Variants in ABCA13 observed in about 807,000 individuals in gnomAD.
ABCA13 encodes the protein ATP-binding cassette sub-family A member 13.
ABCA13 carries 476 observed loss-of-function variants against 478.7 expected under a neutral mutation model. That is an observed-to-expected ratio of 0.99 (90% CI 0.92 to 1.07). The LOEUF is 1.07. ABCA13 is among the 50% of genes least tolerant of loss of function. The pLI, the probability that ABCA13 is intolerant of heterozygous loss-of-function variation, is 0.00. For synonymous variants in ABCA13, 2,252 were observed against 2,158.9 expected (o/e 1.04, Z -1.20); for missense variants, 6,060 against 5,910.6 (o/e 1.03, Z -0.83).
At chr7:48,611,711 C>G (rs1792043226) in intron 58 of ABCA13, among the ~76,000 whole-genome samples, 1 of 152,142 alleles carries the variant, frequency 6.6e-6, no homozygotes. Flanking sequence ...TCCCACCAGG[C>G]CCCTCCTCCA....
At chr7:48,518,825 G>A (rs1832319163) in intron 52 of ABCA13, among the ~76,000 whole-genome samples, 1 of 152,098 alleles carries the variant, frequency 6.6e-6, no homozygotes, top group South Asian at 2.1e-4. Flanking sequence ...AATATTTTAA[G>A]TTCTGGGGTA....
At chr7:48,513,526 G>A (rs751841292) in intron 51 of ABCA13, among the ~76,000 whole-genome samples, 8 of 152,102 alleles carry the variant, frequency 5.3e-5, no homozygotes, top group Non-Finnish European at 8.8e-5. Context: ...TATATTTACC[G>A]CTAAAAGATG....
chr7:48,518,113 G>A (rs987133066), intron 52 of ABCA13, among the ~76,000 whole-genome samples: 1 of 152,134 alleles, frequency 6.6e-6, no homozygotes, highest in African/African-American at 2.4e-5. Context: ...ATTTATTATT[G>A]ACACTGATTT....
At chr7:48,436,827 GTT>G (rs35563306) in intron 42 of ABCA13, among the ~76,000 whole-genome samples, 15 of 146,642 alleles carry the variant, frequency 1.0e-4, no homozygotes, top group East Asian at 2.0e-4. Flanking sequence ...GAATTTTTCT[GTT>G]TTTTTTTTCT....
chr7:48,586,694 T>C lies in ABCA13; in HGVS notation c.14506-460T>C, dbSNP rs549190962. Among the ~76,000 whole-genome samples, 4 of 152,292 alleles carry C rather than the reference T, an allele frequency of 2.6e-5. No individual in the cohort carries two copies. In the East Asian group the frequency reaches 7.7e-4, roughly 29 times the overall value. On this transcript the variant is annotated intron_variant, in intron 56 of 61. Transcript: ENST00000435803. ...CTCAGTGTCACACAATATACCCATG[T>C]AGCAAACCTGCACATAGACTCCCTG...
At chr7:48,517,664 A>G (rs1832232282) in intron 52 of ABCA13, among the ~76,000 whole-genome samples, 1 of 152,122 alleles carries the variant, frequency 6.6e-6, no homozygotes, top group Non-Finnish European at 1.5e-5. Flanking sequence ...CCCCAGTGCT[A>G]CCTGGAGATA....
intron 59 of ABCA13, among the ~76,000 whole-genome samples, chr7:48,642,864 A>G (rs1211938062): frequency 6.6e-6 from 1 of 152,190 alleles, no homozygotes; most frequent in East Asian, 1.9e-4. Context: ...CCTGGTAATT[A>G]CATATGCAAT....
chr7:48,491,163 G>A (rs1308949534), intron 48 of ABCA13, among the ~76,000 whole-genome samples: 2 of 152,210 alleles, frequency 1.3e-5, no homozygotes, highest in Admixed American at 6.5e-5. Context: ...GATTAGAGAT[G>A]CTAGTTTGGT....
chr7:48,185,283 G>T (rs1423669201), intron 1 of ABCA13, among the ~76,000 whole-genome samples: 2 of 152,106 alleles, frequency 1.3e-5, no homozygotes, highest in Admixed American at 6.6e-5. Context: ...GCTTATTATG[G>T]AACTAATAGC....
chr7:48,399,582 G>A (rs547445120), intron 38 of ABCA13, among the ~76,000 whole-genome samples: 4 of 152,222 alleles, frequency 2.6e-5, no homozygotes, highest in Non-Finnish European at 4.4e-5. Context: ...GGTCTAGGAT[G>A]TAACTTGGTT....
intron 59 of ABCA13, among the ~76,000 whole-genome samples, chr7:48,625,761 G>A (rs945891185): frequency 6.6e-6 from 1 of 152,180 alleles, no homozygotes; most frequent in Non-Finnish European, 1.5e-5. Context: ...TTTATCAAAA[G>A]TAAACATTCG....
chr7:48,335,584 C>T, intron 28 of ABCA13, 49 bp downstream of exon 28: 1 of 1,477,578 alleles, frequency 6.8e-7, no homozygotes, highest in Non-Finnish European at 9.4e-7. Flanking sequence ...ACTGCTAGGG[C>T]ATGTCCGAGA....
chr7:48,361,423 A>C (rs986549327), intron 31 of ABCA13, among the ~76,000 whole-genome samples: 4 of 151,592 alleles, frequency 2.6e-5, no homozygotes, highest in African/African-American at 9.7e-5. Context: ...TTAAAAATTC[A>C]TGATGTGCAA....
At chr7:48,363,843 T>C (rs1408518987) in intron 31 of ABCA13, among the ~76,000 whole-genome samples, 2 of 152,164 alleles carry the variant, frequency 1.3e-5, no homozygotes, top group African/African-American at 4.8e-5. Context: ...TTGTGCTGTG[T>C]GGTGTTTCTT....
chr7:48,241,485 G>T (rs1790825010), intron 10 of ABCA13, among the ~76,000 whole-genome samples: 1 of 152,172 alleles, frequency 6.6e-6, no homozygotes, highest in African/African-American at 2.4e-5. Context: ...TATAGTTGAA[G>T]TGTTTACATA....
intron 58 of ABCA13, among the ~76,000 whole-genome samples, chr7:48,602,031 G>A (rs1266789562): frequency 3.9e-5 from 6 of 152,196 alleles, no homozygotes; most frequent in South Asian, 2.1e-4. Flanking sequence ...CTTTTGAGAA[G>A]TGTCTGTTCA....
At chr7:48,492,717 T>G (rs1043869744) in intron 48 of ABCA13, among the ~76,000 whole-genome samples, 9 of 152,134 alleles carry the variant, frequency 5.9e-5, no homozygotes, top group South Asian at 4.1e-4. Flanking sequence ...AAATAACTTT[T>G]TTCCTTTATA....
intron 20 of ABCA13, among the ~76,000 whole-genome samples, chr7:48,293,204 C>CCCCCCCCCCCCAA (rs1554419805): frequency 1.5e-5 from 2 of 131,446 alleles, no homozygotes; most frequent in East Asian, 2.4e-4. Context: ...CCCCCCCCCG[C>CCCCCCCCCCCCAA]CACACACACA....
At chr7:48,462,352 G>A (rs1227992917) in intron 43 of ABCA13, among the ~76,000 whole-genome samples, 1 of 151,982 alleles carries the variant, frequency 6.6e-6, no homozygotes, top group East Asian at 1.9e-4. Flanking sequence ...AGTCTTATTT[G>A]GAGCAGTCTA....
Sources: gnomAD v4.1 joint callset for allele counts (sites outside exome capture counted in the v4.1 genomes callset) on GRCh38, gnomAD v4.1.1 for gene constraint, MANE v1.5 for transcripts, NCBI Gene and HGNC (gene_info 2026-07-23, HGNC 2026-07-21) for gene names.